Variants in VRK3 observed in about 807,000 individuals in gnomAD.
The protein encoded by VRK3 is serine/threonine-protein kinase VRK3.
A neutral mutation model predicts 60.4 loss-of-function variants in VRK3; 50 were observed. That is an observed-to-expected ratio of 0.83 (90% CI 0.66 to 1.05). The LOEUF is 1.05. VRK3 is among the 50% of genes least tolerant of loss of function. The pLI, the probability that VRK3 is intolerant of heterozygous loss-of-function variation, is 0.00. For missense variants in VRK3, 549 were observed against 585.3 expected, an observed-to-expected ratio of 0.94 and a Z score of 0.64; for synonymous variants, 246 against 227.8, an observed-to-expected ratio of 1.08 and a Z score of -0.72.
At chr19:49,986,760 C>T (rs771627710) in intron 12 of VRK3, 6 of 152,222 alleles carry the variant, frequency 3.9e-5, no homozygotes, top group African/African-American at 7.2e-5. Context: ...ACTCTATATG[C>T]CTTCCCAGAT....
intron 12 of VRK3, chr19:49,981,737 G>T: frequency 2.0e-6 from 2 of 1,013,476 alleles, no homozygotes; most frequent in East Asian, 1.9e-4. Context: ...TACAGGTCCT[G>T]GGGGCACACC....
chr19:49,993,145 G>A lies in VRK3; in HGVS notation c.871-193C>T, dbSNP rs1600674111. Among the ~76,000 whole-genome samples, 5 of 152,296 alleles carry A rather than the reference G, an allele frequency of 3.3e-5. No individual in the cohort carries two copies. In the South Asian group the frequency reaches 1.0e-3, roughly 32 times the overall value. Reference sequence around the variant, plus strand: ...AGCACATTGAGCACGCCTCTAATCAGGCTCTCAGGAAGCTCATCAATTGAG... The same window carrying A: ...AGCACATTGAGCACGCCTCTAATCAAGCTCTCAGGAAGCTCATCAATTGAG... On this transcript the variant is annotated intron_variant, in intron 9 of 14. Transcript: ENST00000316763.
chr19:50,024,618 G>A (rs1418961942), intron 1 of VRK3, among the ~76,000 whole-genome samples: 2 of 152,188 alleles, frequency 1.3e-5, no homozygotes, highest in African/African-American at 2.4e-5. Context: ...GGCTTGAACA[G>A]TGCCTATTAG....
Position 50,000,862 on chromosome 19 carries a change from G to T in VRK3, c.548-8C>A. On this transcript the variant is annotated splice_polypyrimidine_tract_variant and splice_region_variant and intron_variant, in intron 5 of 14. Transcript: ENST00000316763. ...GGGTGGAGGTGGGTGCAGCTGTGGG[G>T]GAACAAACAAGGGAGTGAGGTTATA... The T allele has an allele frequency of 6.2e-7, 1 of 1,613,314 alleles. No homozygotes were observed. The highest frequency in any genetic ancestry group is 8.5e-7 in the Non-Finnish European group (1 of 1,179,670).
At chr19:50,017,119 G>A (rs1244539128) in intron 2 of VRK3, among the ~76,000 whole-genome samples, 4 of 151,998 alleles carry the variant, frequency 2.6e-5, no homozygotes, top group East Asian at 1.9e-4. Context: ...GCTTGAACCC[G>A]GGAGGTGGAG....
intron 10 of VRK3, among the ~76,000 whole-genome samples, chr19:49,991,838 TC>T (rs1247900641): frequency 6.6e-6 from 1 of 152,244 alleles, no homozygotes; most frequent in East Asian, 1.9e-4. Flanking sequence ...GACAGTGCAG[TC>T]CTGGATTGCT....
chr19:50,002,395 C>T (rs985486712), intron 5 of VRK3, among the ~76,000 whole-genome samples: 1 of 152,058 alleles, frequency 6.6e-6, no homozygotes, highest in African/African-American at 2.4e-5. Context: ...AAGAAAAATC[C>T]TTTCCAGCTG....
chr19:49,988,229 C>CA (rs1371299935), intron 12 of VRK3, 143 bp downstream of exon 12: 1 of 1,321,334 alleles, frequency 7.6e-7, no homozygotes, highest in Non-Finnish European at 1.0e-6. Context: ...CACTGCAGCA[C>CA]ATGCCTGTGC....
chr19:49,993,685 C>A (rs1483308002), intron 9 of VRK3, among the ~76,000 whole-genome samples: 2 of 152,198 alleles, frequency 1.3e-5, no homozygotes, highest in Non-Finnish European at 2.9e-5. Flanking sequence ...CTGGCATGAG[C>A]TGCTGCGCCC....
intron 14 of VRK3, among the ~76,000 whole-genome samples, chr19:49,977,761 A>T (rs2076355448): frequency 6.6e-6 from 1 of 152,144 alleles, no homozygotes. Context: ...GGAGCTGTGT[A>T]TCGAGCTGGA....
In VRK3 at chr19:49,995,191, C is replaced by T; in HGVS notation, c.764G>A (p.Arg255Lys). Reference sequence around the variant, plus strand: ...GCAAGCAGTGAGCAGAGCAGCTCACCTGTATTTGTCCTGGTGAACACCGAA... The same window carrying T: ...GCAAGCAGTGAGCAGAGCAGCTCACTTGTATTTGTCCTGGTGAACACCGAA... Reference protein sequence around the residue: ...MGFGVHQDKYRFLVLPSLGRS... With the variant: ...MGFGVHQDKYKFLVLPSLGRS... Residue 255 changes from arginine (R) to lysine (K), a missense_variant and splice_region_variant, in exon 8 of 15, where the codon AGG (arginine) becomes AAG (lysine). Arg to Lys is a conservative substitution (Grantham distance 26). Coordinates refer to ENST00000316763, the MANE Select transcript of VRK3 (RefSeq NM_016440.4). The T allele has an allele frequency of 6.2e-7, 1 of 1,614,100 alleles. No individual in the cohort carries two copies. The highest frequency in any genetic ancestry group is 1.1e-5 in the South Asian group (1 of 91,066).
chr19:49,977,396 C>T (rs539711696), intron 14 of VRK3, among the ~76,000 whole-genome samples: 21 of 152,054 alleles, frequency 1.4e-4, no homozygotes, highest in African/African-American at 3.9e-4. Context: ...CTCCAGGGAG[C>T]GCGTGGGTGT....
chr19:49,986,373 A>G (rs1439866645), intron 12 of VRK3: 1 of 153,270 alleles, frequency 6.5e-6, no homozygotes, highest in Non-Finnish European at 1.5e-5. Flanking sequence ...AGACATGTCT[A>G]TAGAAAATTG....
intron 1 of VRK3, among the ~76,000 whole-genome samples, chr19:50,024,209 A>C (rs1318385141): frequency 1.3e-5 from 2 of 152,188 alleles, no homozygotes; most frequent in Non-Finnish European, 2.9e-5. Flanking sequence ...AAGTGCTGGG[A>C]CTACAGGCGG....
chr19:50,019,253 A>T (rs2077127567), intron 2 of VRK3: 1 of 149,664 alleles, frequency 6.7e-6, no homozygotes, highest in African/African-American at 2.5e-5. Flanking sequence ...CCCAGGCTGG[A>T]GTGCAGTCGC....
chr19:50,008,457 G>C (rs550100849), intron 4 of VRK3, among the ~76,000 whole-genome samples: 1 of 152,316 alleles, frequency 6.6e-6, no homozygotes, highest in South Asian at 2.1e-4. Context: ...TCTGGGCCCA[G>C]AGGATAATGA....
chr19:50,021,978 C>T (rs1216998417), intron 1 of VRK3, among the ~76,000 whole-genome samples: 4 of 152,088 alleles, frequency 2.6e-5, no homozygotes, highest in African/African-American at 7.2e-5. Flanking sequence ...ACCTCTTAAG[C>T]GGCGAGCCAG....
chr19:49,980,175 A>G (rs1178056557), intron 13 of VRK3, among the ~76,000 whole-genome samples: 4 of 152,164 alleles, frequency 2.6e-5, no homozygotes, highest in Non-Finnish European at 4.4e-5. Context: ...AAAAGCATCA[A>G]AGCTCTTCAG....
chr19:49,998,084 T>C (rs2076736591), intron 6 of VRK3: 1 of 152,310 alleles, frequency 6.6e-6, no homozygotes, highest in Non-Finnish European at 1.5e-5. Context: ...GGGCCCCTTG[T>C]TTATAAAACC....
Sources: allele counts gnomAD v4.1 joint callset (sites outside exome capture counted in the v4.1 genomes callset), GRCh38; gene constraint gnomAD v4.1.1; transcripts MANE v1.5; gene names NCBI Gene and HGNC (gene_info 2026-07-23, HGNC 2026-07-21).